Variants in LRMDA observed in about 807,000 individuals in gnomAD.
The protein encoded by LRMDA is leucine rich melanocyte differentiation associated, also known as leucine-rich melanocyte differentiation-associated protein.
LRMDA carries 18 observed loss-of-function variants against 29.8 expected under a neutral mutation model. The ratio of observed to expected loss-of-function variants is 0.60; its 90% CI spans 0.42 to 0.90. LRMDA has a LOEUF of 0.90. LRMDA is among the 40% of genes least tolerant of loss of function. The probability of loss-of-function intolerance (pLI) is 0.00; values close to 1 mark genes in which losing one functional copy is unlikely to be tolerated. For synonymous variants in LRMDA, 125 were observed against 109.4 expected, an observed-to-expected ratio of 1.14 and a Z score of -0.89; for missense variants, 273 against 273.9, an observed-to-expected ratio of 1.00 and a Z score of 0.02.
intron 2 of LRMDA, among the ~76,000 whole-genome samples, chr10:75,606,494 T>C (rs4625399): frequency 0.14 from 20,974 of 152,146 alleles, 4,586 homozygotes; most frequent in African/African-American, 0.46. Flanking sequence ...GCAGAGTCCA[T>C]TCCGGGCTAC....
intron 2 of LRMDA, among the ~76,000 whole-genome samples, chr10:75,881,439 A>G (rs1442138121): frequency 6.6e-6 from 1 of 152,226 alleles, no homozygotes; most frequent in Non-Finnish European, 1.5e-5. Flanking sequence ...CCAACTTTCC[A>G]CACTAAGTAA....
intron 6 of LRMDA, among the ~76,000 whole-genome samples, chr10:76,390,504 C>CAA (rs1287185717): frequency 0.031 from 2,942 of 95,176 alleles, 30 homozygotes; most frequent in South Asian, 0.048. Flanking sequence ...TTAAGCAGAA[C>CAA]AAAAAAAAAA....
At chr10:75,866,816 T>A (rs778882735) in intron 2 of LRMDA, among the ~76,000 whole-genome samples, 1 of 152,186 alleles carries the variant, frequency 6.6e-6, no homozygotes, top group Non-Finnish European at 1.5e-5. Context: ...AATCTAGATC[T>A]GTTTGAAGCT....
At chr10:75,501,707 G>A (rs1222497629) in intron 2 of LRMDA, among the ~76,000 whole-genome samples, 1 of 152,172 alleles carries the variant, frequency 6.6e-6, no homozygotes, top group Non-Finnish European at 1.5e-5. Flanking sequence ...AACCGAAATA[G>A]GTCTCAGACC....
chr10:75,833,285 G>A (rs764671177), intron 2 of LRMDA, among the ~76,000 whole-genome samples: 5 of 152,156 alleles, frequency 3.3e-5, no homozygotes, highest in Non-Finnish European at 7.3e-5. Context: ...TTGCAACCAC[G>A]TATTAAAGCC....
At chr10:76,236,995 A>G (rs753042363) in intron 5 of LRMDA, among the ~76,000 whole-genome samples, 1 of 152,198 alleles carries the variant, frequency 6.6e-6, no homozygotes, top group East Asian at 1.9e-4. Flanking sequence ...ACATGAAAAT[A>G]CCTGATTTTT....
intron 2 of LRMDA, among the ~76,000 whole-genome samples, chr10:75,506,483 GTTT>G (rs200291163): frequency 1.6e-4 from 4 of 25,458 alleles, no homozygotes; most frequent in Non-Finnish European, 8.2e-5. Flanking sequence ...CATTTCTGTT[GTTT>G]TTTTTTGGTG....
intron 2 of LRMDA, among the ~76,000 whole-genome samples, chr10:75,545,082 C>T (rs1474315273): frequency 6.6e-6 from 1 of 152,148 alleles, no homozygotes; most frequent in African/African-American, 2.4e-5. Context: ...TCTTTGGAGA[C>T]ATTTGATTTG....
chr10:76,429,820 G>A (rs1159902381), intron 6 of LRMDA, among the ~76,000 whole-genome samples: 7 of 152,140 alleles, frequency 4.6e-5, no homozygotes, highest in Admixed American at 2.0e-4. Context: ...GGGCTCCTTG[G>A]GTTTCCAAAT....
In LRMDA at chr10:76,237,507, A is replaced by G. The variant is rs554719178; in HGVS notation, c.517-86894A>G. Reference sequence around the variant, plus strand: ...CTAAGAGAACATAAGGAAAACTTAAAATACTGTATGTTGATCTTTTCCCTT... The same window carrying G: ...CTAAGAGAACATAAGGAAAACTTAAGATACTGTATGTTGATCTTTTCCCTT... On this transcript the variant is annotated intron_variant, in intron 5 of 6. Coordinates refer to ENST00000611255, the MANE Select transcript of LRMDA (RefSeq NM_001305581.2). 1.6e-4 allele frequency among the ~76,000 whole-genome samples: 24 copies of G among 152,306 alleles called. No individual in the cohort carries two copies. The South Asian group carries it at 4.3e-3, about 28-fold the overall frequency.
At chr10:76,355,185 C>A (rs1420861449) in intron 6 of LRMDA, among the ~76,000 whole-genome samples, 1 of 152,124 alleles carries the variant, frequency 6.6e-6, no homozygotes, top group African/African-American at 2.4e-5. Context: ...ACACATTTTA[C>A]ATGGCAAGAT....
At chr10:76,133,689 C>T (rs1850041207) in intron 5 of LRMDA, among the ~76,000 whole-genome samples, 1 of 152,248 alleles carries the variant, frequency 6.6e-6, no homozygotes. Flanking sequence ...GGAGCTTCGC[C>T]TGCAGGGTTT....
intron 6 of LRMDA, among the ~76,000 whole-genome samples, chr10:76,544,151 T>A (rs1020242110): frequency 2.0e-5 from 3 of 152,174 alleles, no homozygotes; most frequent in Non-Finnish European, 4.4e-5. Context: ...GGTTATTACT[T>A]CCTGCTCAGC....
At chr10:76,040,421 T>C (rs1417712987) in intron 3 of LRMDA, among the ~76,000 whole-genome samples, 1 of 152,200 alleles carries the variant, frequency 6.6e-6, no homozygotes, top group Non-Finnish European at 1.5e-5. Context: ...CGTGTTGATA[T>C]CCTGCTCTGG....
chr10:75,445,026 T>C (rs1484846655), intron 2 of LRMDA, among the ~76,000 whole-genome samples: 1 of 152,182 alleles, frequency 6.6e-6, no homozygotes. Flanking sequence ...CCTCCCAGGC[T>C]CAAACGATCC....
At chr10:76,087,781 C>T (rs60968852) in intron 5 of LRMDA, among the ~76,000 whole-genome samples, 1 of 152,172 alleles carries the variant, frequency 6.6e-6, no homozygotes. Context: ...TATTCCATTG[C>T]TCAGTGACAC....
intron 6 of LRMDA, among the ~76,000 whole-genome samples, chr10:76,550,728 T>G (rs1843484417): frequency 6.6e-6 from 1 of 152,058 alleles, no homozygotes; most frequent in Non-Finnish European, 1.5e-5. Flanking sequence ...ATCTCAGATG[T>G]GCGGCAGATG....
intron 5 of LRMDA, among the ~76,000 whole-genome samples, chr10:76,293,044 G>A (rs1840368704): frequency 1.3e-5 from 2 of 152,114 alleles, no homozygotes; most frequent in Admixed American, 1.3e-4. Flanking sequence ...TCTCGGCTCG[G>A]CTCACTGCAA....
intron 2 of LRMDA, among the ~76,000 whole-genome samples, chr10:76,025,914 C>G (rs557589078): frequency 6.6e-6 from 1 of 152,166 alleles, no homozygotes; most frequent in Non-Finnish European, 1.5e-5. Context: ...CACAGTCATC[C>G]TTGTAGCTCC....
Sources: allele counts gnomAD v4.1 joint callset (sites outside exome capture counted in the v4.1 genomes callset), GRCh38; gene constraint gnomAD v4.1.1; transcripts MANE v1.5; gene names NCBI Gene and HGNC (gene_info 2026-07-23, HGNC 2026-07-21).